MAOB: variants seen among roughly 807,000 people sequenced by gnomAD.
MAOB encodes the protein monoamine oxidase B.
In MAOB, 15 loss-of-function variants were observed where a neutral mutation model predicts 41.9. The ratio of observed to expected loss-of-function variants is 0.36; its 90% confidence interval spans 0.24 to 0.55. MAOB has a LOEUF of 0.55. Ranked by LOEUF, MAOB falls within the 20% of genes least tolerant of loss-of-function variation. The probability of loss-of-function intolerance (pLI) is 0.86; values close to 1 mark genes in which losing one functional copy is unlikely to be tolerated. For missense variants in MAOB, 345 were observed against 398.7 expected (o/e 0.87, Z 1.15); for synonymous variants, 167 against 144.2 (o/e 1.16, Z -1.13).
At chrX:43,769,267 A>T in intron 13 of MAOB, 40 bp downstream of exon 13, 1 of 1,147,194 alleles carries the variant, frequency 8.7e-7, no homozygotes. Context: ...CAGGACCATG[A>T]GTTGCCTCCT....
intron 5 of MAOB, among the ~76,000 whole-genome samples, chrX:43,801,521 C>T: frequency 8.9e-6 from 1 of 112,056 alleles, no homozygotes. Flanking sequence ...TGGGAACCCT[C>T]ATAATCCTTT....
intron 2 of MAOB, among the ~76,000 whole-genome samples, chrX:43,843,357 T>TCA (rs61018201): frequency 0.024 from 2,037 of 83,671 alleles, 30 homozygotes; most frequent in East Asian, 0.051. Context: ...TCTCTCTGTC[T>TCA]CACACACACA....
chrX:43,803,752 G>A (rs1395487077), intron 3 of MAOB, among the ~76,000 whole-genome samples: 1 of 111,739 alleles, frequency 8.9e-6, no homozygotes, highest in East Asian at 2.8e-4. Context: ...CTCAGAGTCA[G>A]GAGCCTCTGT....
chrX:43,856,233 G>A (rs950247463), intron 1 of MAOB, among the ~76,000 whole-genome samples: 3 of 110,326 alleles, frequency 2.7e-5, no homozygotes, highest in Non-Finnish European at 3.8e-5. Context: ...ACAGGTACAC[G>A]CCACCATGAC....
intron 3 of MAOB, among the ~76,000 whole-genome samples, chrX:43,823,224 G>A (rs1228480551): frequency 5.3e-5 from 5 of 94,600 alleles, no homozygotes; most frequent in African/African-American, 2.0e-4. Context: ...CCAGGCTGGA[G>A]TGCAGTGGCA....
At chrX:43,882,213 G>T (rs374116454) in intron 1 of MAOB, 41 bp downstream of exon 1, 26 of 1,201,677 alleles carry the variant, frequency 2.2e-5, no homozygotes, top group Non-Finnish European at 2.6e-5. Context: ...CCACCTGTCC[G>T]AGCGCGTGAA....
At chrX:43,856,519 C>T in intron 1 of MAOB, among the ~76,000 whole-genome samples, 2 of 112,078 alleles carry the variant, frequency 1.8e-5, no homozygotes, top group Middle Eastern at 9.3e-3. Context: ...ACACCAACCA[C>T]CTGTACAGTC....
intron 1 of MAOB, among the ~76,000 whole-genome samples, chrX:43,847,856 T>C (rs1479038785): frequency 8.9e-6 from 1 of 112,185 alleles, no homozygotes; most frequent in Non-Finnish European, 1.9e-5. Flanking sequence ...TTTGGCACTT[T>C]CAGAAGCAGT....
chrX:43,839,028 T>TA lies in MAOB; in HGVS notation c.142-24dup, dbSNP rs749704473. The TA allele has an allele frequency of 2.4e-4, 263 of 1,101,291 alleles. 2 individuals are homozygous for TA. The highest frequency in any genetic ancestry group is 1.5e-3 in the East Asian group (47 of 32,392). 90.8% of individuals were successfully genotyped at this position (1,101,291 alleles called of 1,213,427 possible). A position where few individuals can be genotyped will look rare whatever the true frequency, so the allele number is the denominator to read the frequency against. ...GTTCTGTTTTCCCATAGGAAAAAATTAAAAAAAATTTGTAAAAAATGTATA... is the reference window on the plus strand; with the variant it reads ...GTTCTGTTTTCCCATAGGAAAAAATTAAAAAAAAATTTGTAAAAAATGTATA... On this transcript the variant is annotated intron_variant, in intron 2 of 14. Coordinates refer to ENST00000378069, the MANE Select transcript of MAOB (RefSeq NM_000898.5).
chrX:43,858,005 C>T (rs2035309596), intron 1 of MAOB, among the ~76,000 whole-genome samples: 1 of 111,777 alleles, frequency 8.9e-6, no homozygotes, highest in African/African-American at 3.3e-5. Flanking sequence ...CCATCTAGGC[C>T]TCATTCCATT....
At chrX:43,833,075 C>T (rs7888462) in intron 3 of MAOB, among the ~76,000 whole-genome samples, 1,842 of 111,347 alleles carry the variant, frequency 0.017, 33 homozygotes, top group African/African-American at 0.057. Context: ...AGAGTGAGCT[C>T]TTTGCAGTGT....
intron 3 of MAOB, among the ~76,000 whole-genome samples, chrX:43,811,787 C>A (rs1252071599): frequency 9.0e-6 from 1 of 111,690 alleles, no homozygotes; most frequent in African/African-American, 3.3e-5. Flanking sequence ...ATAATCACAT[C>A]ATGGAGAATG....
intron 1 of MAOB, among the ~76,000 whole-genome samples, chrX:43,868,500 G>T (rs1284467629): frequency 9.0e-6 from 1 of 111,474 alleles, no homozygotes; most frequent in Non-Finnish European, 1.9e-5. Context: ...GCAGGACACG[G>T]GTGGTATATT....
At chrX:43,826,400 T>A (rs528990230) in intron 3 of MAOB, among the ~76,000 whole-genome samples, 76 of 112,289 alleles carry the variant, frequency 6.8e-4, no homozygotes, top group African/African-American at 2.4e-3. Context: ...AAAGACCCAT[T>A]CTTTCAATCA....
intron 1 of MAOB, among the ~76,000 whole-genome samples, chrX:43,848,367 C>T (rs1333306031): frequency 8.9e-6 from 1 of 111,808 alleles, no homozygotes; most frequent in Non-Finnish European, 1.9e-5. Flanking sequence ...GAAAATACTA[C>T]ATAAGGACTC....
intron 1 of MAOB, among the ~76,000 whole-genome samples, chrX:43,880,304 T>C (rs2035465319): frequency 8.9e-6 from 1 of 112,279 alleles, no homozygotes; most frequent in South Asian, 3.7e-4. Flanking sequence ...ATCACCCTTC[T>C]TGAATTGACA....
chrX:43,785,743 G>C (rs1407554406), intron 8 of MAOB, among the ~76,000 whole-genome samples: 1 of 111,717 alleles, frequency 9.0e-6, no homozygotes, highest in African/African-American at 3.3e-5. Flanking sequence ...GTGTCCCAGG[G>C]AACAGAGATA....
At chrX:43,839,115 T>A in intron 2 of MAOB, 110 bp from the exon 3 acceptor site, 1 of 514,010 alleles carries the variant, frequency 1.9e-6, no homozygotes, top group Non-Finnish European at 2.9e-6. Context: ...AGATACAGCT[T>A]AAGGGTATAT....
At chrX:43,787,829 A>C (rs2034419270) in intron 8 of MAOB, among the ~76,000 whole-genome samples, 1 of 112,308 alleles carries the variant, frequency 8.9e-6, no homozygotes, top group Non-Finnish European at 1.9e-5. Context: ...CAATATAAAC[A>C]GAAAAAAACT....
Sources: allele counts gnomAD v4.1 joint callset (sites outside exome capture counted in the v4.1 genomes callset), GRCh38; gene constraint gnomAD v4.1.1; transcripts MANE v1.5; gene names NCBI Gene and HGNC (gene_info 2026-07-23, HGNC 2026-07-21).